The following ZNRF2 variants were observed in gnomAD, a reference collection of about 807,000 sequenced individuals.
ZNRF2 encodes the protein E3 ubiquitin-protein ligase ZNRF2.
A neutral mutation model predicts 20.4 loss-of-function variants in ZNRF2; 16 were observed. That is an observed-to-expected ratio of 0.79 (90% confidence interval 0.53 to 1.19). ZNRF2 has a LOEUF of 1.19. ZNRF2 is among the 50% of genes most tolerant of loss of function. ZNRF2 has a pLI of 0.00. For synonymous variants in ZNRF2, 178 were observed against 144.9 expected (o/e 1.23, Z -1.64); for missense variants, 363 against 332.4 (o/e 1.09, Z -0.72).
chr7:30,360,269 G>T (rs1562623122), intron 3 of ZNRF2, among the ~76,000 whole-genome samples: 1 of 152,192 alleles, frequency 6.6e-6, no homozygotes, highest in Non-Finnish European at 1.5e-5. Flanking sequence ...GATTAGTGAG[G>T]AAATTAACTT....
chr7:30,293,538 C>G (rs576382138), intron 1 of ZNRF2, among the ~76,000 whole-genome samples: 1 of 152,054 alleles, frequency 6.6e-6, no homozygotes, highest in Non-Finnish European at 1.5e-5. Flanking sequence ...CCTGAGTGCC[C>G]GGCCAGTTCT....
chr7:30,352,058 A>G (rs1243992314), intron 2 of ZNRF2, among the ~76,000 whole-genome samples: 2 of 151,604 alleles, frequency 1.3e-5, no homozygotes, highest in African/African-American at 2.4e-5. Flanking sequence ...TCTGATAATA[A>G]CTAACATTTT....
At chr7:30,354,043 A>G (rs756786902) in intron 2 of ZNRF2, among the ~76,000 whole-genome samples, 3 of 152,020 alleles carry the variant, frequency 2.0e-5, no homozygotes, top group Non-Finnish European at 2.9e-5. Flanking sequence ...TCCCTATCTG[A>G]ATCTCCTATT....
At chr7:30,289,917 C>T (rs781571430) in intron 1 of ZNRF2, 2 of 533,772 alleles carry the variant, frequency 3.7e-6, no homozygotes, top group African/African-American at 3.9e-5. Context: ...GATCGCTTTG[C>T]CTGGTGACCA....
chr7:30,311,062 G>GT (rs1275182488), intron 1 of ZNRF2, among the ~76,000 whole-genome samples: 1 of 152,174 alleles, frequency 6.6e-6, no homozygotes, highest in Non-Finnish European at 1.5e-5. Context: ...CCCCTTGACT[G>GT]TGTGTAAGGT....
rs139773223 is a variant in ZNRF2, at chr7:30,335,569, G to A, written c.565+11832G>A. The stretch of plus-strand genomic sequence containing the variant: ...AATTATTATATACATATATATATAC[G>A]TATTCATATGTATACATACAGTAAA... On this transcript the variant is annotated intron_variant, in intron 2 of 4. Coordinates refer to ENST00000323037, the MANE Select transcript of ZNRF2 (RefSeq NM_147128.4). Among the ~76,000 whole-genome samples, 460 of 151,902 alleles carry A rather than the reference G, an allele frequency of 3.0e-3. 6 individuals carry two copies. Among genetic ancestry groups the A allele is most frequent in the African/African-American group, 0.01 (431 of 41,442 alleles).
At chr7:30,286,997 G>C (rs1798802800) in intron 1 of ZNRF2, among the ~76,000 whole-genome samples, 1 of 152,148 alleles carries the variant, frequency 6.6e-6, no homozygotes, top group Non-Finnish European at 1.5e-5. Flanking sequence ...ATTAAAAACA[G>C]GAATGTCATG....
At position 30,347,523 on chromosome 7, in the gene ZNRF2, C is replaced by G. The variant is rs115592010; in HGVS notation, c.566-8205C>G. On this transcript the variant is annotated intron_variant, in intron 2 of 4. Transcript: ENST00000323037. ...AAAAGAAATAAACCTTTTCCCAAAT[C>G]AATGTGTTTTTCACCCTTTCCTTAG... Among the ~76,000 whole-genome samples, 590 of 152,092 alleles carry G rather than the reference C, an allele frequency of 3.9e-3. 1 individual carries two copies. The highest frequency in any genetic ancestry group is 0.013 in the African/African-American group (552 of 41,494).
chr7:30,306,593 C>T (rs564105475), intron 1 of ZNRF2, among the ~76,000 whole-genome samples: 13 of 152,218 alleles, frequency 8.5e-5, no homozygotes, highest in African/African-American at 3.1e-4. Flanking sequence ...TAAACCACTG[C>T]TTTAGTTGTG....
intron 2 of ZNRF2, among the ~76,000 whole-genome samples, chr7:30,341,929 GA>G (rs1288192706): frequency 4.6e-5 from 7 of 152,078 alleles, no homozygotes; most frequent in African/African-American, 7.2e-5. Flanking sequence ...ATATATTTAG[GA>G]TAGTTAGCTC....
At position 30,285,584 on chromosome 7, in the gene ZNRF2, C is replaced by A; in HGVS notation, c.227C>A (p.Ala76Glu). Residue 76 changes from alanine (A) to glutamate (E), a missense_variant, in exon 1 of 5, where the codon GCG (alanine) becomes GAG (glutamate). Ala to Glu is a moderately radical substitution (Grantham distance 107, BLOSUM62 -1). Coordinates refer to ENST00000323037, the MANE Select transcript of ZNRF2 (RefSeq NM_147128.4). Reference sequence around the variant, plus strand: ...GCCGCGGCGGCCCCGGCAGCCCCGGCGGCCCCGCGCAGCCGCTCCCTCGGC... The same window carrying A: ...GCCGCGGCGGCCCCGGCAGCCCCGGAGGCCCCGCGCAGCCGCTCCCTCGGC... ...AAAAAAPAAP[A>E]APRSRSLGGA... 9.6e-7 allele frequency: 1 copy of A among 1,045,718 alleles called. No individual in the cohort carries two copies. Among genetic ancestry groups the A allele is most frequent in the Non-Finnish European group, 1.1e-6 (1 of 870,264 alleles). The allele number at this position is 1,045,718 out of a possible 1,614,324, so 64.8% of individuals were successfully genotyped here. A position where few individuals can be genotyped will look rare whatever the true frequency, so the allele number is the denominator to read the frequency against.
intron 1 of ZNRF2, among the ~76,000 whole-genome samples, chr7:30,289,552 C>A (rs1464887877): frequency 1.3e-5 from 2 of 152,130 alleles, no homozygotes; most frequent in Non-Finnish European, 2.9e-5. Context: ...GAAAAATGAG[C>A]CTTCTAACCA....
chr7:30,329,426 C>G (rs1221875170), intron 2 of ZNRF2, among the ~76,000 whole-genome samples: 1 of 152,100 alleles, frequency 6.6e-6, no homozygotes, highest in African/African-American at 2.4e-5. Flanking sequence ...TAATCAAACC[C>G]TCTTTATATC....
At chr7:30,301,645 T>G (rs138261781) in intron 1 of ZNRF2, among the ~76,000 whole-genome samples, 5 of 151,804 alleles carry the variant, frequency 3.3e-5, no homozygotes, top group Non-Finnish European at 7.4e-5. Flanking sequence ...CCTTCATCTT[T>G]TGCTTTCTTG....
intron 2 of ZNRF2, among the ~76,000 whole-genome samples, chr7:30,348,506 G>A (rs1799912590): frequency 6.6e-6 from 1 of 152,160 alleles, no homozygotes; most frequent in Non-Finnish European, 1.5e-5. Flanking sequence ...CTGACTCACA[G>A]CCATGTTTTA....
At chr7:30,364,719 G>A (rs564764846) in intron 4 of ZNRF2, among the ~76,000 whole-genome samples, 5 of 152,228 alleles carry the variant, frequency 3.3e-5, no homozygotes, top group African/African-American at 1.2e-4. Context: ...TTTTGTCTTA[G>A]TATTTTACAT....
At chr7:30,335,045 A>G (rs2127950253) in intron 2 of ZNRF2, among the ~76,000 whole-genome samples, 1 of 152,314 alleles carries the variant, frequency 6.6e-6, no homozygotes, top group South Asian at 2.1e-4. Flanking sequence ...AATAAAAATA[A>G]TTAGTTTGAT....
intron 1 of ZNRF2, among the ~76,000 whole-genome samples, chr7:30,313,533 T>C (rs1562609476): frequency 6.6e-6 from 1 of 152,090 alleles, no homozygotes; most frequent in Non-Finnish European, 1.5e-5. Flanking sequence ...GCCTTTCTAC[T>C]GAGAGAAAAT....
intron 1 of ZNRF2, among the ~76,000 whole-genome samples, chr7:30,298,825 T>C (rs1799060735): frequency 6.6e-6 from 1 of 152,188 alleles, no homozygotes; most frequent in Non-Finnish European, 1.5e-5. Context: ...TAGGCCTGCC[T>C]TCACCCCTGC....
Sources: allele counts gnomAD v4.1 joint callset (sites outside exome capture counted in the v4.1 genomes callset), GRCh38; gene constraint gnomAD v4.1.1; transcripts MANE v1.5; gene names NCBI Gene and HGNC (gene_info 2026-07-23, HGNC 2026-07-21).